Variants in PCDH19 observed in about 807,000 individuals in gnomAD.
The protein encoded by PCDH19 is protocadherin 19, also known as protocadherin-19.
PCDH19 carries 6 observed loss-of-function variants against 46.2 expected under a neutral mutation model. That is an observed-to-expected ratio of 0.13 (90% CI 0.07 to 0.26). The LOEUF is 0.26. Ranked by LOEUF, PCDH19 falls within the 10% of genes least tolerant of loss-of-function variation. The pLI is 1.00. For synonymous variants in PCDH19, 481 were observed against 415.7 expected, an observed-to-expected ratio of 1.16 and a Z score of -1.91; for missense variants, 740 against 972.3, an observed-to-expected ratio of 0.76 and a Z score of 3.18.
chrX:100,350,103 A>G (rs985561185), intron 4 of PCDH19, among the ~76,000 whole-genome samples: 8 of 112,615 alleles, frequency 7.1e-5, no homozygotes, highest in Admixed American at 9.4e-5. Context: ...TGTCATTAAA[A>G]TATCTTTAAA....
At chrX:100,400,673 TTG>T (rs1304639803) in intron 3 of PCDH19, among the ~76,000 whole-genome samples, 2 of 112,313 alleles carry the variant, frequency 1.8e-5, no homozygotes, top group East Asian at 5.6e-4. Context: ...GAGTTATAAA[TTG>T]AAAATATTGG....
intron 1 of PCDH19, among the ~76,000 whole-genome samples, chrX:100,403,933 A>C (rs752637414): frequency 8.9e-5 from 10 of 112,309 alleles, no homozygotes; most frequent in Non-Finnish European, 1.5e-4. Context: ...ATAATCAGCA[A>C]AACAATAGGG....
chrX:100,362,022 A>C (rs1475676476), intron 3 of PCDH19, among the ~76,000 whole-genome samples: 2 of 111,695 alleles, frequency 1.8e-5, no homozygotes, highest in Non-Finnish European at 3.8e-5. Context: ...AGCAGCAAAA[A>C]TCAGGACCAA....
intron 1 of PCDH19, among the ~76,000 whole-genome samples, chrX:100,404,323 T>C (rs1421344752): frequency 1.8e-5 from 2 of 111,835 alleles, no homozygotes; most frequent in Admixed American, 9.5e-5. Context: ...CTGGTACTAC[T>C]GGGGTTTGGG....
At chrX:100,321,829 G>A (rs376011973) in intron 5 of PCDH19, among the ~76,000 whole-genome samples, 8 of 79,440 alleles carry the variant, frequency 1.0e-4, no homozygotes, top group Admixed American at 4.1e-4. Context: ...TCGCTCTGTC[G>A]CTCAGGCTGG....
chrX:100,391,541 AC>A (rs1927862502), intron 3 of PCDH19, among the ~76,000 whole-genome samples: 1 of 111,973 alleles, frequency 8.9e-6, no homozygotes, highest in African/African-American at 3.3e-5. Flanking sequence ...CTACAGAGCA[AC>A]CATTGTCATC....
intron 3 of PCDH19, among the ~76,000 whole-genome samples, chrX:100,354,895 CAA>C (rs2147495946): frequency 9.1e-6 from 1 of 110,025 alleles, no homozygotes; most frequent in East Asian, 2.8e-4. Context: ...AAGAACACAG[CAA>C]AGAGATAAGA....
intron 3 of PCDH19, among the ~76,000 whole-genome samples, chrX:100,366,221 C>A (rs1190105471): frequency 8.9e-6 from 1 of 111,822 alleles, no homozygotes. Flanking sequence ...AATACAGTAT[C>A]TTCTATTAGT....
At chrX:100,367,111 A>C (rs763555116) in intron 3 of PCDH19, among the ~76,000 whole-genome samples, 1 of 112,797 alleles carries the variant, frequency 8.9e-6, no homozygotes, top group African/African-American at 3.2e-5. Context: ...CCACAATTGA[A>C]AAGATTTGCC....
intron 3 of PCDH19, among the ~76,000 whole-genome samples, chrX:100,381,833 C>T (rs1927561117): frequency 8.9e-6 from 1 of 111,854 alleles, no homozygotes; most frequent in African/African-American, 3.3e-5. Context: ...AGAAAGCTGT[C>T]GTCCAAAATA....
chrX:100,316,994 A>G (rs941085724), intron 5 of PCDH19, among the ~76,000 whole-genome samples: 2 of 111,908 alleles, frequency 1.8e-5, no homozygotes, highest in African/African-American at 6.5e-5. Flanking sequence ...TTTGTTTCCT[A>G]CTGCCATAAC....
rs145403147 is a variant in PCDH19 at position 100,403,374 on chromosome X, G to A, written c.2288+150C>T. 337 of 521,770 alleles carry A rather than the reference G, an allele frequency of 6.5e-4. No individual in the cohort carries two copies. The East Asian group carries it at 0.011, about 17-fold the overall frequency. The allele number at this position is 521,770 out of a possible 1,213,427, so 43.0% of individuals were successfully genotyped here. On this transcript the variant is annotated intron_variant, in intron 2 of 5. Coordinates refer to ENST00000373034, the MANE Select transcript of PCDH19 (RefSeq NM_001184880.2). ...ACTCACTCGATCAGTTTTGGACTGG[G>A]GTAGGAGATCAGACCCCATTCTTTC... is the stretch of plus-strand genomic sequence containing the variant.
At chrX:100,383,191 T>G (rs1320607355) in intron 3 of PCDH19, among the ~76,000 whole-genome samples, 1 of 112,041 alleles carries the variant, frequency 8.9e-6, no homozygotes, top group East Asian at 2.8e-4. Flanking sequence ...GCCAGGTGCT[T>G]GAACACTCAC....
intron 5 of PCDH19, among the ~76,000 whole-genome samples, chrX:100,329,785 G>T (rs998687440): frequency 9.0e-6 from 1 of 110,860 alleles, no homozygotes; most frequent in Non-Finnish European, 1.9e-5. Flanking sequence ...GGTGGCAGGC[G>T]CCTGTAGTCC....
chrX:100,299,856 C>T (rs2147448690), intron 5 of PCDH19, among the ~76,000 whole-genome samples: 1 of 112,430 alleles, frequency 8.9e-6, no homozygotes, highest in South Asian at 3.7e-4. Context: ...TGCCCTTCCT[C>T]ACGCAAGTGA....
rs1250195737 is a variant in PCDH19, at chrX:100,295,469, A to C, written c.*808T>G. 2 of 112,223 alleles carry C rather than the reference A, an allele frequency of 1.8e-5. No individual in the cohort carries two copies. The highest frequency in any genetic ancestry group is 3.8e-5 in the Non-Finnish European group (2 of 53,313). 9.2% of individuals were successfully genotyped at this position (112,223 alleles called of 1,213,427 possible). ...GGGCAGACCACTGAAAGGCAGGAAA[A>C]ATACTTTGCAAAGTGGTGAGCAATC... On this transcript the variant is annotated 3_prime_UTR_variant, in exon 6 of 6. Coordinates refer to ENST00000373034, the MANE Select transcript of PCDH19 (RefSeq NM_001184880.2).
chrX:100,299,926 A>G (rs969470465), intron 5 of PCDH19, among the ~76,000 whole-genome samples: 1 of 112,211 alleles, frequency 8.9e-6, no homozygotes, highest in Non-Finnish European at 1.9e-5. Flanking sequence ...TGGATCTGAT[A>G]CCTATATTTT....
Position 100,296,204 on chromosome X carries a change from A to G in PCDH19, c.*73T>C, listed in dbSNP as rs1210175874. 1.2e-6 allele frequency: 1 copy of G among 814,462 alleles called. No homozygotes were observed. Among genetic ancestry groups the G allele is most frequent in the Admixed American group, 2.2e-5 (1 of 45,477 alleles). 67.1% of individuals were successfully genotyped at this position (814,462 alleles called of 1,213,427 possible). A position where few individuals can be genotyped will look rare whatever the true frequency, so the allele number is the denominator to read the frequency against. Reference sequence around the variant, plus strand: ...GCCACTCAAGAACCAACCATTGGTGAGCAATTAAAACAAGAAGCTCCTGCT... The same window carrying G: ...GCCACTCAAGAACCAACCATTGGTGGGCAATTAAAACAAGAAGCTCCTGCT... On this transcript the variant is annotated 3_prime_UTR_variant, in exon 6 of 6. Transcript: ENST00000373034.
At chrX:100,395,635 T>C (rs1327021194) in intron 3 of PCDH19, among the ~76,000 whole-genome samples, 1 of 113,203 alleles carries the variant, frequency 8.8e-6, no homozygotes, top group African/African-American at 3.2e-5. Flanking sequence ...GCTGTGGAGC[T>C]GTGTGGTCCT....
Sources: allele counts gnomAD v4.1 joint callset (sites outside exome capture counted in the v4.1 genomes callset), GRCh38; gene constraint gnomAD v4.1.1; transcripts MANE v1.5; gene names NCBI Gene and HGNC (gene_info 2026-07-23, HGNC 2026-07-21).